The following RAPGEF2 variants were observed in gnomAD, a reference collection of about 807,000 sequenced individuals.
RAPGEF2 encodes PDZ domain containing guanine nucleotide exchange factor (GEF) 1.
A neutral mutation model predicts 186.7 loss-of-function variants in RAPGEF2; 54 were observed. That is an observed-to-expected ratio of 0.29 (90% confidence interval 0.23 to 0.36). The LOEUF (loss-of-function observed/expected upper bound fraction) is 0.36, where lower values mean the gene tolerates loss of function less well. Ranked by LOEUF, RAPGEF2 falls within the 10% of genes least tolerant of loss-of-function variation. The pLI is 1.00. For synonymous variants in RAPGEF2, 712 were observed against 705.9 expected, an observed-to-expected ratio of 1.01 and a Z score of -0.14; for missense variants, 1,532 against 2,045.0, an observed-to-expected ratio of 0.75 and a Z score of 4.84.
At chr4:159,107,654 T>C (rs1738024246) in intron 1 of RAPGEF2, among the ~76,000 whole-genome samples, 1 of 152,090 alleles carries the variant, frequency 6.6e-6, no homozygotes, top group Non-Finnish European at 1.5e-5. Flanking sequence ...AAGTACTAAC[T>C]CATTGATGTG....
chr4:159,338,314 T>C lies in RAPGEF2; in HGVS notation c.2139T>C (p.Asp713=), dbSNP rs574693523. 1 of 1,610,462 alleles carries C rather than the reference T, an allele frequency of 6.2e-7. No homozygotes were observed. The highest frequency in any genetic ancestry group is 1.7e-5 in the Admixed American group (1 of 59,654). ...TCTAATTTTCCTCTTTGTTCAGTGA[T>C]ATTGGGATTGGTCAGTCTCAAGATG... is the stretch of plus-strand genomic sequence containing the variant. ...ISILPQKPYN[D]IGIGQSQDDS... is the part of the protein sequence containing the mutation. The change falls in exon 18 of 30, where the codon GAT becomes GAC. Residue 713 remains aspartate (D), a synonymous_variant. Coordinates refer to ENST00000691494, the MANE Select transcript of RAPGEF2 (RefSeq NM_001394067.2).
intron 3 of RAPGEF2, among the ~76,000 whole-genome samples, chr4:159,208,975 C>T (rs1419367234): frequency 3.9e-5 from 6 of 151,972 alleles, no homozygotes; most frequent in Non-Finnish European, 8.8e-5. Context: ...ACTACAACCT[C>T]CGCCTCCCGG....
Position 159,128,916 on chromosome 4 carries a change from TG to T in RAPGEF2, c.69+24691del, listed in dbSNP as rs35985790. ...AAGAGTGTGTGTATATATATACATA[TG>T]GGGGGTGTGTGTGTGTGTGTGTGTG... On this transcript the variant is annotated intron_variant, in intron 1 of 29. Coordinates refer to ENST00000691494, the MANE Select transcript of RAPGEF2 (RefSeq NM_001394067.2). The T allele has an allele frequency of 3.6e-5, 5 of 138,302 alleles. No homozygotes were observed. The East Asian group carries it at 1.1e-3, about 30-fold the overall frequency. 8.6% of individuals were successfully genotyped at this position (138,302 alleles called of 1,614,324 possible).
chr4:159,146,252 G>C (rs771229095), intron 1 of RAPGEF2, among the ~76,000 whole-genome samples: 5 of 152,072 alleles, frequency 3.3e-5, no homozygotes, highest in Non-Finnish European at 7.4e-5. Context: ...GCAACAAAAA[G>C]TGGAATGTTA....
intron 7 of RAPGEF2, among the ~76,000 whole-genome samples, chr4:159,263,955 A>G (rs1757159797): frequency 6.6e-6 from 1 of 152,194 alleles, no homozygotes. Flanking sequence ...TGTTATTGAC[A>G]GGGTAGAAAG....
At chr4:159,264,789 A>G (rs928337277) in intron 7 of RAPGEF2, among the ~76,000 whole-genome samples, 1 of 151,928 alleles carries the variant, frequency 6.6e-6, no homozygotes, top group Non-Finnish European at 1.5e-5. Flanking sequence ...CCTCCATTCT[A>G]CTTTGTGCCT....
At chr4:159,280,669 T>C (rs1759569998) in intron 7 of RAPGEF2, among the ~76,000 whole-genome samples, 1 of 152,244 alleles carries the variant, frequency 6.6e-6, no homozygotes, top group Non-Finnish European at 1.5e-5. Flanking sequence ...ATAATAAAGT[T>C]AATGAGTGAC....
Position 159,323,397 on chromosome 4 carries a change from G to C in RAPGEF2, c.991-62G>C, listed in dbSNP as rs572455493. The stretch of plus-strand genomic sequence containing the variant: ...CTAATTCATTTTTAGGGACCATACT[G>C]GCACTTACAGCTGTATGATCATGAT... On this transcript the variant is annotated intron_variant, in intron 10 of 29. Coordinates refer to ENST00000691494, the MANE Select transcript of RAPGEF2 (RefSeq NM_001394067.2). The C allele has an allele frequency of 7.0e-5, 95 of 1,354,304 alleles. No individual in the cohort carries two copies. In the South Asian group the frequency reaches 1.5e-3, roughly 21 times the overall value. The allele number at this position is 1,354,304 out of a possible 1,614,324, so 83.9% of individuals were successfully genotyped here.
At position 159,166,313 on chromosome 4, in the gene RAPGEF2, CA is replaced by C. The variant is rs963015319; in HGVS notation, c.70-20319del. Among the ~76,000 whole-genome samples, 31 of 147,926 alleles carry C rather than the reference CA, an allele frequency of 2.1e-4. 1 individual carries two copies. The highest frequency in any genetic ancestry group is 6.7e-4 in the African/African-American group (27 of 40,182). On this transcript the variant is annotated intron_variant, in intron 1 of 29. Coordinates refer to ENST00000691494, the MANE Select transcript of RAPGEF2 (RefSeq NM_001394067.2). ...TGGGCAACAGAGCAAGACTCCATCTCAAAAAAAAAATGTAAGGAAAAGGGCA... is the reference window on the plus strand; with the variant it reads ...TGGGCAACAGAGCAAGACTCCATCTCAAAAAAAAATGTAAGGAAAAGGGCA...
At chr4:159,199,788 G>T (rs1220455246) in intron 3 of RAPGEF2, among the ~76,000 whole-genome samples, 1 of 152,160 alleles carries the variant, frequency 6.6e-6, no homozygotes, top group Non-Finnish European at 1.5e-5. Context: ...CTTTGAATTT[G>T]ACTCTGTCTC....
At chr4:159,175,079 T>C (rs1364531692) in intron 1 of RAPGEF2, among the ~76,000 whole-genome samples, 1 of 152,172 alleles carries the variant, frequency 6.6e-6, no homozygotes, top group Non-Finnish European at 1.5e-5. Flanking sequence ...TGTCTTATAA[T>C]GTTTAGGAAT....
In RAPGEF2 at chr4:159,240,668, A is replaced by G. The variant is rs11936211; in HGVS notation, c.358-533A>G. On this transcript the variant is annotated intron_variant, in intron 5 of 29. Transcript: ENST00000691494. Reference sequence around the variant, plus strand: ...TTAAATGAGGAATTACTTTTAAACAACACTATTTATAAAAAAAGAAACCGA... The same window carrying G: ...TTAAATGAGGAATTACTTTTAAACAGCACTATTTATAAAAAAAGAAACCGA... 3.3e-3 allele frequency among the ~76,000 whole-genome samples: 504 copies of G among 152,186 alleles called. 5 individuals carry two copies. Among genetic ancestry groups the G allele is most frequent in the African/African-American group, 0.012 (487 of 41,536 alleles).
At chr4:159,337,889 C>CAAAAAAAAAAAGAA (rs1767663076) in intron 17 of RAPGEF2, among the ~76,000 whole-genome samples, 7 of 32,584 alleles carry the variant, frequency 2.1e-4, no homozygotes, top group Non-Finnish European at 5.9e-4. Context: ...GACTCCATCT[C>CAAAAAAAAAAAGAA]AAAAAAAAAA....
intron 1 of RAPGEF2, among the ~76,000 whole-genome samples, chr4:159,182,413 T>G (rs575910691): frequency 7.5e-3 from 924 of 123,106 alleles, no homozygotes; most frequent in Non-Finnish European, 0.011. Flanking sequence ...TTTTTTTTTT[T>G]GATACAGAGT....
intron 8 of RAPGEF2, among the ~76,000 whole-genome samples, chr4:159,311,008 T>G (rs1763888508): frequency 6.6e-6 from 1 of 152,146 alleles, no homozygotes; most frequent in Non-Finnish European, 1.5e-5. Context: ...ATAAGACTAT[T>G]GAGAATGTCG....
chr4:159,205,844 T>C (rs1231630795), intron 3 of RAPGEF2, among the ~76,000 whole-genome samples: 1 of 152,168 alleles, frequency 6.6e-6, no homozygotes, highest in Non-Finnish European at 1.5e-5. Flanking sequence ...CCCAGGTAGT[T>C]CTTTATAGCA....
At chr4:159,212,693 A>G (rs1750645898) in intron 4 of RAPGEF2, among the ~76,000 whole-genome samples, 1 of 152,204 alleles carries the variant, frequency 6.6e-6, no homozygotes, top group South Asian at 2.1e-4. Flanking sequence ...ACATTTTATT[A>G]TAAATAATGC....
At chr4:159,358,089 T>G (rs1465194404) in intron 29 of RAPGEF2, 25 bp from the exon 30 acceptor site, 2 of 1,609,190 alleles carry the variant, frequency 1.2e-6, no homozygotes, top group Non-Finnish European at 8.5e-7. Flanking sequence ...CATTGATTTC[T>G]TTTTCTTCCC....
Position 159,335,778 on chromosome 4 carries a change from G to A in RAPGEF2, c.2136-2533G>A, listed in dbSNP as rs181385373. Among the ~76,000 whole-genome samples the A allele has an allele frequency of 3.4e-3, 507 of 148,638 alleles. 2 individuals carry two copies. Among genetic ancestry groups the A allele is most frequent in the Non-Finnish European group, 5.1e-3 (341 of 67,502 alleles). Reference sequence around the variant, plus strand: ...GTGAACCCGGGAGGCGGAGCTTGCAGTGAGCCGAGATTGTGCCACTGCATT... The same window carrying A: ...GTGAACCCGGGAGGCGGAGCTTGCAATGAGCCGAGATTGTGCCACTGCATT... On this transcript the variant is annotated intron_variant, in intron 17 of 29. Coordinates refer to ENST00000691494, the MANE Select transcript of RAPGEF2 (RefSeq NM_001394067.2).
Sources: allele counts gnomAD v4.1 joint callset (sites outside exome capture counted in the v4.1 genomes callset), GRCh38; gene constraint gnomAD v4.1.1; transcripts MANE v1.5; gene names NCBI Gene and HGNC (gene_info 2026-07-23, HGNC 2026-07-21).